The following FIBP variants were observed in gnomAD, a reference collection of about 807,000 sequenced individuals.
FIBP encodes acidic fibroblast growth factor intracellular-binding protein.
Under a neutral mutation model 40.5 loss-of-function variants are expected in FIBP, and 29 were observed. That is an observed-to-expected ratio of 0.72 (90% CI 0.53 to 0.98). The LOEUF (loss-of-function observed/expected upper bound fraction) is 0.98, where lower values mean the gene tolerates loss of function less well. Among genes scored for constraint, FIBP ranks in the 50% least tolerant of loss-of-function variants. The pLI, the probability that FIBP is intolerant of heterozygous loss-of-function variation, is 0.00. For missense variants in FIBP, 411 were observed against 470.2 expected, an observed-to-expected ratio of 0.87 and a Z score of 1.16; for synonymous variants, 215 against 191.1, an observed-to-expected ratio of 1.13 and a Z score of -1.03.
intron 1 of FIBP, 62 bp downstream of exon 1, chr11:65,888,272 C>T (rs1374191548): frequency 1.3e-6 from 2 of 1,500,784 alleles, no homozygotes; most frequent in African/African-American, 2.8e-5. Flanking sequence ...CTTAGCCCCG[C>T]CCCCTCTCCC....
rs1231308817 is a variant in FIBP at position 65,887,919 on chromosome 11, C to G, written c.284+15G>C. 6.2e-7 allele frequency: 1 copy of G among 1,611,926 alleles called. No individual in the cohort carries two copies. Among genetic ancestry groups the G allele is most frequent in the Non-Finnish European group, 8.5e-7 (1 of 1,178,880 alleles). On this transcript the variant is annotated intron_variant, in intron 2 of 9. Transcript: ENST00000357519. ...CAGACTGGTTGATGTCTCCACCATC[C>G]CAGAGGGTGAGCACCTCTCGATGAG...
At chr11:65,884,874 T>C (rs1591076088) in intron 7 of FIBP, 61 bp downstream of exon 7, 1 of 1,584,148 alleles carries the variant, frequency 6.3e-7, no homozygotes, top group Non-Finnish European at 8.7e-7. Context: ...AGCTGCCCGG[T>C]AGGGGTGGCG....
chr11:65,885,104 G>C lies in FIBP; in HGVS notation c.729C>G (p.Asp243Glu). Reference protein sequence around the residue: ...DLKELKVLVADKDLLDLHKSL... With the variant: ...DLKELKVLVAEKDLLDLHKSL... ...TCTTGTGCAGGTCCAGAAGGTCCTT[G>C]TCAGCCACTAGCACCTTGAGCTCCT... The change falls in exon 6 of 10, where the codon GAC becomes GAG. Residue 243 changes from aspartate to glutamate, a missense_variant. By Grantham distance (45) the Asp-to-Glu change is conservative. Transcript: ENST00000357519. The C allele has an allele frequency of 6.2e-7, 1 of 1,610,744 alleles. No homozygotes were observed. The highest frequency in any genetic ancestry group is 1.1e-5 in the South Asian group (1 of 91,052).
rs1182022910 is a variant in FIBP at position 65,886,311 on chromosome 11, T to C, written c.512+11A>G. On this transcript the variant is annotated intron_variant, in intron 4 of 9. Coordinates refer to ENST00000357519, the MANE Select transcript of FIBP (RefSeq NM_004214.5). ...GTAGTGTGCGGGATGGGGAGGTGGC[T>C]AGCTCCTCACCTGGCCAACCGGTCA... 1.3e-6 allele frequency: 2 copies of C among 1,592,430 alleles called. No homozygotes were observed. The highest frequency in any genetic ancestry group is 3.3e-5 in the Admixed American group (2 of 59,928).
rs1464675601 is a variant in FIBP, at chr11:65,887,932, A to T, written c.284+2T>A. ...GTCTCCACCATCCCAGAGGGTGAGC[A>T]CCTCTCGATGAGTAGTGCCTGCCGG... On this transcript the variant is annotated splice_donor_variant, in intron 2 of 9. Transcript: ENST00000357519. LOFTEE classifies it high-confidence loss of function. The T allele has an allele frequency of 2.0e-5, 33 of 1,612,812 alleles. No homozygotes were observed. Among genetic ancestry groups the T allele is most frequent in the South Asian group, 4.4e-5 (4 of 90,862 alleles).
At chr11:65,884,534 A>G (rs766108094) in intron 8 of FIBP, 36 bp downstream of exon 8, 1 of 1,614,114 alleles carries the variant, frequency 6.2e-7, no homozygotes, top group Non-Finnish European at 8.5e-7. Context: ...GGCCAGGGAC[A>G]GACCAGGTTG....
At chr11:65,884,515 A>C in intron 8 of FIBP, 26 bp from the exon 9 acceptor site, 1 of 1,614,040 alleles carries the variant, frequency 6.2e-7, no homozygotes. Context: ...AATACTTAGC[A>C]CTTGTATAGG....
Position 65,888,448 on chromosome 11 carries a change from C to G in FIBP, c.-30G>C. ...ACGCCCGGGGCCGCAGCGCCCCGAGCAGGAGCGAGCACTGCTCGGGACTGG... is the reference window on the plus strand; with the variant it reads ...ACGCCCGGGGCCGCAGCGCCCCGAGGAGGAGCGAGCACTGCTCGGGACTGG... On this transcript the variant is annotated 5_prime_UTR_variant, in exon 1 of 10. Coordinates refer to ENST00000357519, the MANE Select transcript of FIBP (RefSeq NM_004214.5). 6.5e-7 allele frequency: 1 copy of G among 1,535,756 alleles called. No homozygotes were observed. The highest frequency in any genetic ancestry group is 8.8e-7 in the Non-Finnish European group (1 of 1,134,806).
intron 4 of FIBP, 134 bp downstream of exon 4, chr11:65,886,188 A>AGG: frequency 1.9e-6 from 1 of 536,190 alleles, no homozygotes; most frequent in Non-Finnish European, 3.3e-6. Flanking sequence ...AAAAAAAAAA[A>AGG]AAGTACAGAC....
chr11:65,885,199 G>A lies in FIBP; in HGVS notation c.647-13C>T, dbSNP rs377135404. On this transcript the variant is annotated splice_polypyrimidine_tract_variant and intron_variant, in intron 5 of 9. Coordinates refer to ENST00000357519, the MANE Select transcript of FIBP (RefSeq NM_004214.5). ...TCCATCTGTGAGTCTGTGAGGCCAT[G>A]AAGGGGGTGGGGGTGGGTGATAAAA... 16 of 1,025,630 alleles carry A rather than the reference G, an allele frequency of 1.6e-5. No individual in the cohort carries two copies. The highest frequency in any genetic ancestry group is 6.4e-5 in the African/African-American group (4 of 62,628). The allele number at this position is 1,025,630 out of a possible 1,614,324, so 63.5% of individuals were successfully genotyped here.
At chr11:65,887,826 C>A (rs1860279087) in intron 2 of FIBP, 100 bp from the exon 3 acceptor site, 1 of 1,594,548 alleles carries the variant, frequency 6.3e-7, no homozygotes, top group South Asian at 1.1e-5. Context: ...CCACTCTCAA[C>A]TTTCTGATGG....
intron 3 of FIBP, 191 bp downstream of exon 3, chr11:65,887,409 G>A (rs1860264075): frequency 6.2e-6 from 4 of 646,218 alleles, no homozygotes; most frequent in Non-Finnish European, 1.1e-5. Context: ...TCGCGCCACT[G>A]CACTCCAGCT....
chr11:65,884,104 G>T, intron 9 of FIBP, 61 bp from the exon 10 acceptor site: 1 of 1,330,158 alleles, frequency 7.5e-7, no homozygotes, highest in Non-Finnish European at 1.1e-6. Context: ...TGGAGGCCCT[G>T]CCCTGCGTGC....
At position 65,884,005 on chromosome 11, in the gene FIBP, CG is replaced by C; in HGVS notation, c.1042del (p.Arg348AlafsTer26). On this transcript the variant is annotated frameshift_variant, in exon 10 of 10. Transcript: ENST00000357519. LOFTEE classifies it high-confidence loss of function. ...ATGATACAGGCGCAGGAGGCAGCCGCGGAGGGTGCCCATGTAGCGGTCCCAG... is the reference window on the plus strand; with the variant it reads ...ATGATACAGGCGCAGGAGGCAGCCGCGAGGGTGCCCATGTAGCGGTCCCAG... ...ALWDRYMGTL[R>X]GCLLRLYHD is the part of the protein sequence containing the mutation. 6.2e-7 allele frequency: 1 copy of C among 1,613,998 alleles called. No individual in the cohort carries two copies. Among genetic ancestry groups the C allele is most frequent in the Non-Finnish European group, 8.5e-7 (1 of 1,179,988 alleles).
Position 65,884,398 on chromosome 11 carries a change from C to G in FIBP, c.998G>C (p.Gly333Ala). ...GGAGGACAGGGCTGCTCACCGGAAG[C>G]CATCGAGGGAGTGGACAGACGCTGA... The part of the protein sequence containing the change: ...QYSASVHSLD[G>A]FRHQALWDRY... The change falls in exon 9 of 10, where the codon GGC (glycine) becomes GCC (alanine). Residue 333 changes from glycine to alanine, a missense_variant. Transcript: ENST00000357519. The G allele has an allele frequency of 6.2e-7, 1 of 1,613,826 alleles. No homozygotes were observed. The highest frequency in any genetic ancestry group is 1.7e-5 in the Admixed American group (1 of 59,996).
At chr11:65,887,903 T>G (rs553998813) in intron 2 of FIBP, 31 bp downstream of exon 2, 1 of 1,605,778 alleles carries the variant, frequency 6.2e-7, no homozygotes, top group South Asian at 1.1e-5. Flanking sequence ...TCAGACTGGT[T>G]GATGTCTCCA....
intron 5 of FIBP, 171 bp downstream of exon 5, chr11:65,885,359 G>A (rs932840265): frequency 2.1e-6 from 2 of 937,642 alleles, no homozygotes; most frequent in Non-Finnish European, 3.3e-6. Context: ...CCCTTTGTCT[G>A]CAGACAAGGT....
chr11:65,886,513 C>T, intron 3 of FIBP, 91 bp from the exon 4 acceptor site: 3 of 812,734 alleles, frequency 3.7e-6, no homozygotes, highest in Non-Finnish European at 6.5e-6. Flanking sequence ...TCTCTCCCTT[C>T]CCCATCCACC....
chr11:65,883,887 G>T lies in FIBP; in HGVS notation c.*87C>A. On this transcript the variant is annotated 3_prime_UTR_variant, in exon 10 of 10. Transcript: ENST00000357519. ...GAGACAGACACAGGCACATCTGCACGCCCCCCACTTGCTCCCCGGAGCGAG... is the reference window on the plus strand; with the variant it reads ...GAGACAGACACAGGCACATCTGCACTCCCCCCACTTGCTCCCCGGAGCGAG... 1 of 1,170,040 alleles carries T rather than the reference G, an allele frequency of 8.5e-7. No individual in the cohort carries two copies. The highest frequency in any genetic ancestry group is 2.4e-5 in the East Asian group (1 of 41,580). The allele number at this position is 1,170,040 out of a possible 1,614,324, so 72.5% of individuals were successfully genotyped here.
Sources: allele counts gnomAD v4.1 joint callset, GRCh38; gene constraint gnomAD v4.1.1; transcripts MANE v1.5; gene names NCBI Gene and HGNC (gene_info 2026-07-23, HGNC 2026-07-21).